Variants in DCLK1 observed in about 807,000 individuals in gnomAD.
DCLK1 encodes the protein serine/threonine-protein kinase DCLK1.
In DCLK1, 16 loss-of-function variants were observed where a neutral mutation model predicts 86.2. The observed-to-expected ratio is 0.19, with a 90% confidence interval of 0.13 to 0.28. DCLK1 has a LOEUF of 0.28. Ranked by LOEUF, DCLK1 falls within the 10% of genes least tolerant of loss-of-function variation. DCLK1 has a pLI of 1.00. For missense variants in DCLK1, 590 were observed against 940.2 expected (o/e 0.63, Z 4.87); for synonymous variants, 369 against 370.5 (o/e 1.00, Z 0.05).
chr13:35,985,394 A>AC (rs200593682), intron 3 of DCLK1, among the ~76,000 whole-genome samples: 66 of 151,878 alleles, frequency 4.3e-4, no homozygotes, highest in Middle Eastern at 3.4e-3. Context: ...AAACAAACAA[A>AC]AAAAAAAAAT....
chr13:35,796,096 T>G (rs1345129417), intron 15 of DCLK1, among the ~76,000 whole-genome samples: 1 of 152,150 alleles, frequency 6.6e-6, no homozygotes, highest in African/African-American at 2.4e-5. Context: ...CTTCTGAATA[T>G]TAGTATCATG....
chr13:35,963,445 G>A (rs1175016182), intron 3 of DCLK1, among the ~76,000 whole-genome samples: 1 of 152,192 alleles, frequency 6.6e-6, no homozygotes, highest in Non-Finnish European at 1.5e-5. Flanking sequence ...GCCATATTTT[G>A]TGAATGTGAA....
chr13:35,975,954 C>G (rs1879307952), intron 3 of DCLK1, among the ~76,000 whole-genome samples: 1 of 152,174 alleles, frequency 6.6e-6, no homozygotes, highest in Admixed American at 6.5e-5. Flanking sequence ...TGTCAGGGGA[C>G]CACATCCTCC....
intron 3 of DCLK1, among the ~76,000 whole-genome samples, chr13:36,109,976 A>G (rs1012568932): frequency 2.6e-5 from 4 of 152,230 alleles, no homozygotes; most frequent in African/African-American, 9.6e-5. Context: ...AAGTCATTAA[A>G]GCCGATTTTT....
At chr13:35,892,449 G>A (rs948586234) in intron 4 of DCLK1, among the ~76,000 whole-genome samples, 1 of 150,242 alleles carries the variant, frequency 6.7e-6, no homozygotes, top group Non-Finnish European at 1.5e-5. Context: ...TAATTTAGTG[G>A]AATCATCTTT....
chr13:35,859,535 C>T (rs1014938007), intron 5 of DCLK1, among the ~76,000 whole-genome samples: 5 of 152,122 alleles, frequency 3.3e-5, no homozygotes, highest in South Asian at 4.1e-4. Context: ...TCCTTTATTT[C>T]GACTCAGCTG....
At chr13:36,110,315 G>T (rs1214278265) in intron 3 of DCLK1, among the ~76,000 whole-genome samples, 1 of 152,096 alleles carries the variant, frequency 6.6e-6, no homozygotes, top group Non-Finnish European at 1.5e-5. Context: ...ACGACATTTA[G>T]GCTACAGACT....
chr13:35,963,762 G>T (rs1054795452), intron 3 of DCLK1, among the ~76,000 whole-genome samples: 1 of 152,126 alleles, frequency 6.6e-6, no homozygotes, highest in Admixed American at 6.6e-5. Context: ...TGGTTTTATA[G>T]ATGGTAGTTT....
chr13:36,051,308 A>G (rs1470675740), intron 3 of DCLK1, among the ~76,000 whole-genome samples: 1 of 152,124 alleles, frequency 6.6e-6, no homozygotes, highest in Non-Finnish European at 1.5e-5. Context: ...ACACATCATA[A>G]TGAAAAGGAC....
intron 4 of DCLK1, among the ~76,000 whole-genome samples, chr13:35,926,318 A>T (rs1876117329): frequency 6.6e-6 from 1 of 152,190 alleles, no homozygotes. Context: ...TAGGCCTCCC[A>T]AAGTGCTGGG....
intron 11 of DCLK1, among the ~76,000 whole-genome samples, chr13:35,819,451 G>A (rs1209826118): frequency 6.6e-6 from 1 of 152,118 alleles, no homozygotes; most frequent in Admixed American, 6.6e-5. Flanking sequence ...ATTATACTGT[G>A]TACAATGAAA....
chr13:35,839,554 C>T (rs1869641922), intron 6 of DCLK1, among the ~76,000 whole-genome samples: 1 of 152,156 alleles, frequency 6.6e-6, no homozygotes, highest in Non-Finnish European at 1.5e-5. Context: ...ATACTGATCC[C>T]ATCCACTATT....
chr13:36,054,809 G>A (rs1883244731), intron 3 of DCLK1, among the ~76,000 whole-genome samples: 1 of 152,172 alleles, frequency 6.6e-6, no homozygotes, highest in Non-Finnish European at 1.5e-5. Context: ...CTAACGAGTT[G>A]TGCATTTGTC....
At chr13:35,983,126 AT>A in intron 3 of DCLK1, among the ~76,000 whole-genome samples, 1 of 150,888 alleles carries the variant, frequency 6.6e-6, no homozygotes, top group Middle Eastern at 3.6e-3. Flanking sequence ...ACTCTTTATT[AT>A]TATTATTATT....
At chr13:35,783,313 AAT>A (rs199887824) in intron 16 of DCLK1, among the ~76,000 whole-genome samples, 56 of 78,420 alleles carry the variant, frequency 7.1e-4, no homozygotes, top group African/African-American at 4.7e-3. Flanking sequence ...ACAGAAAGCA[AAT>A]TTTTTTTTTT....
At chr13:35,836,526 C>T (rs1399310220) in intron 7 of DCLK1, among the ~76,000 whole-genome samples, 1 of 152,178 alleles carries the variant, frequency 6.6e-6, no homozygotes, top group Non-Finnish European at 1.5e-5. Flanking sequence ...GAGGCAACCG[C>T]AGTTCGCAAG....
At chr13:35,918,360 C>T (rs66484018) in intron 4 of DCLK1, among the ~76,000 whole-genome samples, 21,093 of 152,108 alleles carry the variant, frequency 0.14, 1,835 homozygotes, top group Non-Finnish European at 0.19. Context: ...TGGATTCAAA[C>T]CCGAAACGTG....
At chr13:36,095,152 T>G (rs1884960097) in intron 3 of DCLK1, among the ~76,000 whole-genome samples, 1 of 141,948 alleles carries the variant, frequency 7.0e-6, no homozygotes, top group African/African-American at 2.8e-5. Flanking sequence ...TCCTCTGATA[T>G]CTCTCTATCT....
intron 4 of DCLK1, among the ~76,000 whole-genome samples, chr13:35,911,127 C>CA (rs60440999): frequency 0.83 from 101,224 of 122,068 alleles, 42,373 homozygotes; most frequent in Middle Eastern, 0.91. Flanking sequence ...ACTAAAAATA[C>CA]AAAAAAAAAA....
Sources: allele counts gnomAD v4.1 joint callset (sites outside exome capture counted in the v4.1 genomes callset), GRCh38; gene constraint gnomAD v4.1.1; transcripts MANE v1.5; gene names NCBI Gene and HGNC (gene_info 2026-07-23, HGNC 2026-07-21).